The following GALNT2 variants were observed in gnomAD, a reference collection of about 807,000 sequenced individuals.
The protein encoded by GALNT2 is UDP-GalNAc:polypeptide N-acetylgalactosaminyltransferase 2.
Under a neutral mutation model 81.4 loss-of-function variants are expected in GALNT2, and 31 were observed. That is an observed-to-expected ratio of 0.38 (90% CI 0.29 to 0.51). The LOEUF (loss-of-function observed/expected upper bound fraction) is 0.51, where lower values mean the gene tolerates loss of function less well. Among genes scored for constraint, GALNT2 ranks in the 20% least tolerant of loss-of-function variants. GALNT2 has a pLI of 0.87. For synonymous variants in GALNT2, 303 were observed against 287.4 expected, an observed-to-expected ratio of 1.05 and a Z score of -0.55; for missense variants, 629 against 765.7, an observed-to-expected ratio of 0.82 and a Z score of 2.11.
chr1:230,238,707 CT>C (rs1310624312), intron 6 of GALNT2, among the ~76,000 whole-genome samples: 1 of 152,224 alleles, frequency 6.6e-6, no homozygotes, highest in East Asian at 1.9e-4. Flanking sequence ...CTTTGCATTC[CT>C]AGCATAAGCC....
chr1:230,269,801 A>T (rs998446945), intron 14 of GALNT2, among the ~76,000 whole-genome samples: 12 of 151,688 alleles, frequency 7.9e-5, no homozygotes, highest in Non-Finnish European at 1.6e-4. Flanking sequence ...GGAGGCTGAG[A>T]TGGGAGGATT....
intron 1 of GALNT2, among the ~76,000 whole-genome samples, chr1:230,141,715 C>T (rs1424123104): frequency 4.0e-5 from 6 of 150,624 alleles, no homozygotes; most frequent in African/African-American, 1.2e-4. Flanking sequence ...GTCCTTATGG[C>T]TATTGTGAAT....
chr1:230,246,301 T>G, intron 8 of GALNT2, 151 bp downstream of exon 8: 1 of 642,374 alleles, frequency 1.6e-6, no homozygotes, highest in Non-Finnish European at 2.8e-6. Context: ...GCTTAACGAG[T>G]AGGACTTCAT....
intron 1 of GALNT2, among the ~76,000 whole-genome samples, chr1:230,144,640 G>T (rs1489083887): frequency 6.6e-6 from 1 of 152,130 alleles, no homozygotes; most frequent in Non-Finnish European, 1.5e-5. Context: ...TCCTGTTTAT[G>T]CCTGTGTGTG....
At chr1:230,256,840 G>A (rs537913894) in intron 11 of GALNT2, among the ~76,000 whole-genome samples, 55 of 152,294 alleles carry the variant, frequency 3.6e-4, no homozygotes, top group African/African-American at 1.3e-3. Context: ...TCAATGCTGT[G>A]AAGAAGGTAA....
upstream of GALNT2, among the ~76,000 whole-genome samples, chr1:230,064,543 T>C (rs1166578955): frequency 6.6e-6 from 1 of 152,186 alleles, no homozygotes; most frequent in African/African-American, 2.4e-5. Context: ...GTGTGTGTCA[T>C]GGAGTCTCGC....
chr1:230,210,419 A>G (rs1210610882), intron 3 of GALNT2, among the ~76,000 whole-genome samples: 2 of 152,192 alleles, frequency 1.3e-5, no homozygotes, highest in East Asian at 1.9e-4. Context: ...TTGGGTTTCA[A>G]ACGTTTAGTT....
intron 15 of GALNT2, among the ~76,000 whole-genome samples, chr1:230,276,250 G>A (rs1454780909): frequency 6.6e-6 from 1 of 151,940 alleles, no homozygotes; most frequent in African/African-American, 2.4e-5. Context: ...TTTCTCTGAC[G>A]TATTCCCTTG....
chr1:230,154,768 C>T (rs1216693168), intron 1 of GALNT2, among the ~76,000 whole-genome samples: 1 of 152,140 alleles, frequency 6.6e-6, no homozygotes, highest in Non-Finnish European at 1.5e-5. Context: ...CAAACCCTGT[C>T]GCCCCTTGAG....
rs754126794 is a variant in GALNT2 at position 230,271,777 on chromosome 1, C to A, written c.1441-2668C>A. On this transcript the variant is annotated intron_variant, in intron 14 of 15. Transcript: ENST00000366672. This position sits in a 1 kb window ranked among gnomAD's most constrained non-coding sequence, Gnocchi z 4.2. ...GCTTCCACGCCCTCTCCAGGTGTGCCGCTCTCCCAGCGCCTCCGCATGTCC... is the reference window on the plus strand; with the variant it reads ...GCTTCCACGCCCTCTCCAGGTGTGCAGCTCTCCCAGCGCCTCCGCATGTCC... Among the ~76,000 whole-genome samples the A allele has an allele frequency of 2.6e-5, 4 of 152,218 alleles. No individual in the cohort carries two copies. The highest frequency in any genetic ancestry group is 5.9e-5 in the Non-Finnish European group (4 of 68,038).
At chr1:230,197,738 G>A (rs1341339862) in intron 2 of GALNT2, among the ~76,000 whole-genome samples, 2 of 152,136 alleles carry the variant, frequency 1.3e-5, no homozygotes, top group Non-Finnish European at 2.9e-5. Context: ...CCTCATGCTT[G>A]GATTTTGTGC....
At chr1:230,211,180 G>A (rs1164055434) in intron 3 of GALNT2, among the ~76,000 whole-genome samples, 3 of 152,160 alleles carry the variant, frequency 2.0e-5, no homozygotes, top group South Asian at 2.1e-4. Context: ...TTCTTGTGAC[G>A]GAACCGCTGC....
chr1:230,057,853 G>A (rs1658950626), upstream of GALNT2: 15 of 345,236 alleles, frequency 4.3e-5, 1 homozygote, highest in South Asian at 3.2e-4. Context: ...TTACCCTAAA[G>A]GAAGGTAGCA....
intron 1 of GALNT2, among the ~76,000 whole-genome samples, chr1:230,095,280 G>C (rs1022063605): frequency 1.3e-5 from 2 of 152,142 alleles, no homozygotes; most frequent in Non-Finnish European, 2.9e-5. Context: ...CCCACATGCT[G>C]ACCATGTACC....
intron 2 of GALNT2, among the ~76,000 whole-genome samples, chr1:230,191,929 G>A (rs763463496): frequency 5.9e-5 from 9 of 152,248 alleles, no homozygotes; most frequent in Non-Finnish European, 1.3e-4. Context: ...TTCAGCTGTG[G>A]CTGGACATTA....
intron 1 of GALNT2, among the ~76,000 whole-genome samples, chr1:230,086,123 G>A (rs1659891557): frequency 6.6e-6 from 1 of 152,226 alleles, no homozygotes; most frequent in Admixed American, 6.5e-5. Flanking sequence ...TTTAATCCAG[G>A]TCTTGGTATT....
chr1:230,236,614 TTA>T, intron 5 of GALNT2, 44 bp from the exon 6 acceptor site: 1 of 1,584,220 alleles, frequency 6.3e-7, no homozygotes, highest in Non-Finnish European at 8.6e-7. Context: ...GCAAAGCCCT[TTA>T]TGAACTCCAG....
At chr1:230,089,827 A>C (rs1477155533) in intron 1 of GALNT2, among the ~76,000 whole-genome samples, 1 of 152,250 alleles carries the variant, frequency 6.6e-6, no homozygotes, top group East Asian at 1.9e-4. Flanking sequence ...CACGTGCAAC[A>C]CATTTGCTAT....
intron 1 of GALNT2, 31 bp downstream of exon 1, chr1:230,067,437 C>A: frequency 1.1e-6 from 1 of 921,098 alleles, no homozygotes; most frequent in Non-Finnish European, 1.4e-6. Flanking sequence ...CGGCCGGGCC[C>A]CTGCGCCCAC....
Sources: gnomAD v4.1 joint callset for allele counts (sites outside exome capture counted in the v4.1 genomes callset) on GRCh38, gnomAD v4.1.1 for gene constraint, Gnocchi (gnomAD v3.1) non-coding constraint, MANE v1.5 for transcripts, NCBI Gene and HGNC (gene_info 2026-07-23, HGNC 2026-07-21) for gene names.